NUP210L: variants seen among roughly 807,000 people sequenced by gnomAD.
The protein encoded by NUP210L is nuclear pore membrane glycoprotein 210-like.
Under a neutral mutation model 208.5 loss-of-function variants are expected in NUP210L, and 74 were observed. The ratio of observed to expected loss-of-function variants is 0.35; its 90% confidence interval spans 0.29 to 0.43. NUP210L has a LOEUF of 0.43. Among genes scored for constraint, NUP210L ranks in the 20% least tolerant of loss-of-function variants. NUP210L has a pLI of 1.00. For synonymous variants in NUP210L, 780 were observed against 816.9 expected (o/e 0.95, Z 0.77); for missense variants, 1,843 against 2,289.4 (o/e 0.81, Z 3.98).
Position 154,025,551 on chromosome 1 carries a change from A to C in NUP210L, c.4113T>G (p.Thr1371=), listed in dbSNP as rs753642947. ...AAGTCCATGAACTCACCTGGACCCCAGTTATGGTTGTTTGGTTGACTCCAA... is the reference window on the plus strand; with the variant it reads ...AAGTCCATGAACTCACCTGGACCCCCGTTATGGTTGTTTGGTTGACTCCAA... Residue 1371 remains threonine, a synonymous_variant, in exon 30 of 40, where the codon ACT becomes ACG. Coordinates refer to ENST00000368559, the Ensembl canonical transcript of NUP210L. 7 of 1,608,654 alleles carry C rather than the reference A, an allele frequency of 4.4e-6. No individual in the cohort carries two copies. The Admixed American group carries it at 1.2e-4, about 27-fold the overall frequency.
chr1:154,040,359 T>G (rs1652800687), intron 27 of NUP210L, among the ~76,000 whole-genome samples: 1 of 146,024 alleles, frequency 6.8e-6, no homozygotes, highest in South Asian at 2.2e-4. Context: ...GGCAATATAA[T>G]AAGACCTTGT....
intron 10 of NUP210L, among the ~76,000 whole-genome samples, chr1:154,120,644 A>G (rs1657570457): frequency 6.6e-6 from 1 of 151,676 alleles, no homozygotes; most frequent in Admixed American, 6.6e-5. Flanking sequence ...AAAAAAAAAA[A>G]AAAGAAATGC....
intron 33 of NUP210L, among the ~76,000 whole-genome samples, chr1:154,012,878 T>C (rs1227407841): frequency 6.6e-6 from 1 of 151,710 alleles, no homozygotes; most frequent in African/African-American, 2.4e-5. Context: ...TGGTGGTGCA[T>C]GCCTGTGATC....
At chr1:154,056,923 G>A (rs1202913813) in exon 23 of NUP210L, 8 of 1,608,266 alleles carry the variant, frequency 5.0e-6, no homozygotes, top group Non-Finnish European at 6.8e-6. Context: ...AATTTTCAGA[G>A]TATTCGTCCT....
Position 154,058,079 on chromosome 1 carries a change from T to C in NUP210L, c.3107+10A>G. The C allele has an allele frequency of 1.2e-6, 2 of 1,613,948 alleles. No homozygotes were observed. Among genetic ancestry groups the C allele is most frequent in the Non-Finnish European group, 1.7e-6 (2 of 1,179,888 alleles). On this transcript the variant is annotated intron_variant, in intron 22 of 39. Coordinates refer to ENST00000368559, the Ensembl canonical transcript of NUP210L. ...GCAGAGTGGGAAGGAAGTATTGAAA[T>C]GGTACTTACGTCAGGGTGACAATGG...
intron 14 of NUP210L, among the ~76,000 whole-genome samples, chr1:154,099,047 C>T (rs1656323100): frequency 6.6e-6 from 1 of 152,136 alleles, no homozygotes; most frequent in Admixed American, 6.6e-5. Context: ...GTGACAGCGC[C>T]CAGGATTGGC....
intron 20 of NUP210L, among the ~76,000 whole-genome samples, chr1:154,059,413 T>C (rs576133704): frequency 6.6e-6 from 1 of 152,208 alleles, no homozygotes; most frequent in Non-Finnish European, 1.5e-5. Context: ...GTGGATCACT[T>C]GAATCTAAGA....
intron 35 of NUP210L, among the ~76,000 whole-genome samples, chr1:154,004,893 G>A (rs1235608741): frequency 8.3e-6 from 1 of 120,066 alleles, no homozygotes; most frequent in South Asian, 2.7e-4. Flanking sequence ...TCACTCTATC[G>A]CCCAGGCTGG....
chr1:154,038,750 C>T (rs1306716833), intron 27 of NUP210L, among the ~76,000 whole-genome samples: 1 of 152,128 alleles, frequency 6.6e-6, no homozygotes, highest in African/African-American at 2.4e-5. Flanking sequence ...TGTGAGCCAA[C>T]GTGCCTGGCT....
At chr1:154,005,170 T>C (rs780133145) in intron 35 of NUP210L, among the ~76,000 whole-genome samples, 1 of 151,482 alleles carries the variant, frequency 6.6e-6, no homozygotes, top group Non-Finnish European at 1.5e-5. Flanking sequence ...CTTTTTCTTA[T>C]CCATTCTACA....
chr1:154,057,036 T>C, intron 22 of NUP210L, 89 bp from the exon 23 acceptor site: 1 of 1,308,912 alleles, frequency 7.6e-7, no homozygotes, highest in Non-Finnish European at 1.1e-6. Flanking sequence ...TGGAGTGCAG[T>C]GGCATGATCT....
exon 40 of NUP210L, chr1:153,992,806 C>G: frequency 7.0e-7 from 1 of 1,438,478 alleles, no homozygotes; most frequent in Non-Finnish European, 9.6e-7. Flanking sequence ...CATTCCCCTG[C>G]AGTTAAGAGA....
chr1:154,104,139 T>C, exon 13 of NUP210L: 1 of 1,614,036 alleles, frequency 6.2e-7, no homozygotes, highest in Non-Finnish European at 8.5e-7. Context: ...TGGGTATTTC[T>C]ATAATCTGGC....
intron 10 of NUP210L, among the ~76,000 whole-genome samples, chr1:154,124,365 A>G (rs1571302060): frequency 6.6e-6 from 1 of 152,196 alleles, no homozygotes; most frequent in East Asian, 1.9e-4. Context: ...TGAAAGGAGC[A>G]TTGGAGAAAA....
chr1:154,069,127 T>C (rs916950633), intron 17 of NUP210L, among the ~76,000 whole-genome samples: 2 of 152,266 alleles, frequency 1.3e-5, no homozygotes, highest in Admixed American at 6.5e-5. Context: ...ATTCAGGACA[T>C]AGGCATGGGC....
At chr1:154,109,422 T>C (rs771316450) in intron 12 of NUP210L, among the ~76,000 whole-genome samples, 3 of 151,652 alleles carry the variant, frequency 2.0e-5, no homozygotes, top group Non-Finnish European at 2.9e-5. Flanking sequence ...AAGAGAGCTA[T>C]AGACCTCACT....
At chr1:154,089,255 C>T (rs920303978) in intron 16 of NUP210L, among the ~76,000 whole-genome samples, 166 bp downstream of exon 16, 3 of 152,132 alleles carry the variant, frequency 2.0e-5, no homozygotes, top group Non-Finnish European at 2.9e-5. Flanking sequence ...AATGGTACAG[C>T]TGCTGTGGAA....
At chr1:154,155,041 T>C (rs373646539) in exon 1 of NUP210L, 2 of 1,602,454 alleles carry the variant, frequency 1.2e-6, no homozygotes, top group Non-Finnish European at 1.7e-6. Flanking sequence ...GGACAGCCAG[T>C]CATGGCGACT....
Position 154,139,957 on chromosome 1 carries a change from A to G in NUP210L, c.567-5T>C. 1 of 1,600,696 alleles carries G rather than the reference A, an allele frequency of 6.2e-7. No homozygotes were observed. The highest frequency in any genetic ancestry group is 8.5e-7 in the Non-Finnish European group (1 of 1,171,720). On this transcript the variant is annotated splice_polypyrimidine_tract_variant and splice_region_variant and intron_variant, in intron 4 of 39. Coordinates refer to ENST00000368559, the Ensembl canonical transcript of NUP210L. Reference sequence around the variant, plus strand: ...GCTTCGGAGTATTTAAGAATCCTAAAGACATAAAATAAAATGTGTTTCTAG... The same window carrying G: ...GCTTCGGAGTATTTAAGAATCCTAAGGACATAAAATAAAATGTGTTTCTAG...
Sources: gnomAD v4.1 joint callset for allele counts (sites outside exome capture counted in the v4.1 genomes callset) on GRCh38, gnomAD v4.1.1 for gene constraint, MANE v1.5 for transcripts, NCBI Gene and HGNC (gene_info 2026-07-23, HGNC 2026-07-21) for gene names.